The following C16orf87 variants were observed in gnomAD, a reference collection of about 807,000 sequenced individuals.
C16orf87 encodes HDAC and MIER1 interacting protein 1.
A neutral mutation model predicts 21.0 loss-of-function variants in C16orf87; 13 were observed. The ratio of observed to expected loss-of-function variants is 0.62; its 90% CI spans 0.40 to 0.98. The LOEUF (loss-of-function observed/expected upper bound fraction) is 0.98, where lower values mean the gene tolerates loss of function less well. C16orf87 is among the 50% of genes least tolerant of loss of function. The pLI is 0.00. For missense variants in C16orf87, 113 were observed against 180.4 expected (o/e 0.63, Z 2.14); for synonymous variants, 49 against 60.2 (o/e 0.81, Z 0.86).
At position 46,799,513 on chromosome 16, in the gene C16orf87, C is replaced by T. The variant is rs1967711527; in HGVS notation, c.*3439G>A. 6.6e-6 allele frequency: 1 copy of T among 152,144 alleles called. No homozygotes were observed. The allele number at this position is 152,144 out of a possible 1,614,324, so 9.4% of individuals were successfully genotyped here. On this transcript the variant is annotated 3_prime_UTR_variant, in exon 4 of 4. Transcript: ENST00000285697. ...GCTTTTAACTAGCAAGAATATAAGG[C>T]ATCAAACCAAACTAGAAGGTAAAGT...
At chr16:46,820,182 T>A (rs1159908229) in intron 2 of C16orf87, among the ~76,000 whole-genome samples, 3 of 152,238 alleles carry the variant, frequency 2.0e-5, no homozygotes, top group Non-Finnish European at 2.9e-5. Flanking sequence ...GCCTAACAGA[T>A]TCTTTTCTTC....
intron 2 of C16orf87, among the ~76,000 whole-genome samples, chr16:46,818,739 G>T (rs751068893): frequency 6.6e-6 from 1 of 151,864 alleles, no homozygotes; most frequent in Non-Finnish European, 1.5e-5. Context: ...ACTCAGGCTG[G>T]AGTGCAGTAG....
chr16:46,822,194 G>A (rs957463469), intron 2 of C16orf87, among the ~76,000 whole-genome samples: 1 of 152,138 alleles, frequency 6.6e-6, no homozygotes, highest in African/African-American at 2.4e-5. Flanking sequence ...GGAATTATGG[G>A]CATAAGCCAT....
At chr16:46,824,692 G>A (rs998420462) in intron 1 of C16orf87, among the ~76,000 whole-genome samples, 3 of 138,856 alleles carry the variant, frequency 2.2e-5, no homozygotes, top group Admixed American at 7.5e-5. Context: ...TTGAGACGGA[G>A]TCTCACTCTG....
At chr16:46,829,784 A>G (rs906812610) in intron 1 of C16orf87, among the ~76,000 whole-genome samples, 26 of 152,190 alleles carry the variant, frequency 1.7e-4, no homozygotes, top group Non-Finnish European at 3.4e-4. Context: ...AAGCATTTTT[A>G]CTACAGCCCA....
intron 1 of C16orf87, among the ~76,000 whole-genome samples, chr16:46,824,927 G>A (rs922611802): frequency 6.6e-6 from 1 of 152,072 alleles, no homozygotes; most frequent in African/African-American, 2.4e-5. Context: ...GCCTCTCAAA[G>A]TGCTAGGATA....
In C16orf87 at chr16:46,824,444, T is replaced by C. The variant is rs774538721; in HGVS notation, c.105A>G (p.Ile35Met). 1 of 1,582,644 alleles carries C rather than the reference T, an allele frequency of 6.3e-7. No individual in the cohort carries two copies. Among genetic ancestry groups the C allele is most frequent in the South Asian group, 1.2e-5 (1 of 86,874 alleles). ...CATTTAAAAGTTTTCTGCTAATAAA[T>C]ATGTAACCACAAGGACATGATTTAC... ...VACKSCPCGY[I>M]FISRKLLNAK... The change falls in exon 2 of 4, where the codon ATA (isoleucine) becomes ATG (methionine). Residue 35 changes from isoleucine (I) to methionine (M), a missense_variant. By Grantham distance (10) the Ile-to-Met change is conservative. Coordinates refer to ENST00000285697, the MANE Select transcript of C16orf87 (RefSeq NM_001001436.4).
intron 2 of C16orf87, among the ~76,000 whole-genome samples, chr16:46,812,201 G>A (rs983927946): frequency 6.6e-6 from 1 of 151,764 alleles, no homozygotes; most frequent in Non-Finnish European, 1.5e-5. Context: ...CTGAGATCGT[G>A]CCACTGCACT....
chr16:46,806,637 T>C (rs1335861577), intron 3 of C16orf87, among the ~76,000 whole-genome samples: 1 of 152,184 alleles, frequency 6.6e-6, no homozygotes, highest in African/African-American at 2.4e-5. Flanking sequence ...ACTTCTATAT[T>C]ATAATATCCA....
At chr16:46,826,911 T>C (rs1959642270) in intron 1 of C16orf87, among the ~76,000 whole-genome samples, 2 of 152,222 alleles carry the variant, frequency 1.3e-5, no homozygotes, top group African/African-American at 4.8e-5. Context: ...GCAAGCATTT[T>C]CTTCCAGCTA....
intron 1 of C16orf87, among the ~76,000 whole-genome samples, chr16:46,825,914 CAAA>C (rs918103053): frequency 6.6e-5 from 5 of 75,434 alleles, no homozygotes; most frequent in Non-Finnish European, 5.4e-5. Context: ...GACTCTGTCT[CAAA>C]AAAAAAAAAA....
At chr16:46,810,684 A>C (rs566611803) in intron 2 of C16orf87, among the ~76,000 whole-genome samples, 4 of 152,164 alleles carry the variant, frequency 2.6e-5, no homozygotes, top group Non-Finnish European at 5.9e-5. Flanking sequence ...ATTAAAAGTA[A>C]AATAGTAATA....
At chr16:46,829,130 T>C (rs188520649) in intron 1 of C16orf87, among the ~76,000 whole-genome samples, 2 of 152,146 alleles carry the variant, frequency 1.3e-5, no homozygotes, top group East Asian at 1.9e-4. Flanking sequence ...GGGGCCCTCA[T>C]GATGTGATTA....
intron 1 of C16orf87, among the ~76,000 whole-genome samples, chr16:46,830,266 G>A (rs967625202): frequency 3.1e-5 from 4 of 128,862 alleles, no homozygotes; most frequent in African/African-American, 1.2e-4. Context: ...GAGAGAGACA[G>A]ACAGAGAGAG....
intron 2 of C16orf87, among the ~76,000 whole-genome samples, chr16:46,818,505 T>A (rs1959287273): frequency 6.6e-6 from 1 of 152,172 alleles, no homozygotes; most frequent in African/African-American, 2.4e-5. Context: ...AACCTTTTAC[T>A]CACTGAAAAT....
intron 3 of C16orf87, 110 bp from the exon 4 acceptor site, chr16:46,803,180 A>G: frequency 3.9e-6 from 2 of 510,062 alleles, no homozygotes; most frequent in Non-Finnish European, 7.0e-6. Context: ...ATATAATACT[A>G]CAATATACAT....
intron 2 of C16orf87, among the ~76,000 whole-genome samples, chr16:46,817,916 C>CAAAA (rs1056745014): frequency 1.2e-3 from 81 of 68,262 alleles, no homozygotes; most frequent in East Asian, 3.0e-3. Context: ...CATCAAAAAG[C>CAAAA]AAAAAAAAAA....
rs1243969612 is a variant in C16orf87 at position 46,798,087 on chromosome 16, C to A, written c.*4865G>T. ...TAAATAAATAAGTAAATTTTAAAAT[C>A]AATGATCTGAGCTTCCGCCACAATA... On this transcript the variant is annotated 3_prime_UTR_variant, in exon 4 of 4. Coordinates refer to ENST00000285697, the MANE Select transcript of C16orf87 (RefSeq NM_001001436.4). The A allele has an allele frequency of 1.3e-5, 2 of 151,968 alleles. No individual in the cohort carries two copies. Among genetic ancestry groups the A allele is most frequent in the African/African-American group, 4.8e-5 (2 of 41,422 alleles). The allele number at this position is 151,968 out of a possible 1,614,324, so 9.4% of individuals were successfully genotyped here. A position where few individuals can be genotyped will look rare whatever the true frequency, so the allele number is the denominator to read the frequency against.
intron 1 of C16orf87, among the ~76,000 whole-genome samples, 171 bp from the exon 2 acceptor site, chr16:46,824,653 T>C (rs1006795746): frequency 6.8e-6 from 1 of 147,150 alleles, no homozygotes; most frequent in Admixed American, 7.2e-5. Flanking sequence ...TCATATCACA[T>C]AGATATTCAC....
Sources: allele counts gnomAD v4.1 joint callset (sites outside exome capture counted in the v4.1 genomes callset), GRCh38; gene constraint gnomAD v4.1.1; transcripts MANE v1.5; gene names NCBI Gene and HGNC (gene_info 2026-07-23, HGNC 2026-07-21).